The following ERC2 variants were observed in gnomAD, a reference collection of about 807,000 sequenced individuals.
ERC2 encodes the protein ERC protein 2.
ERC2 carries 42 observed loss-of-function variants against 114.8 expected under a neutral mutation model. The observed-to-expected ratio is 0.37, with a 90% CI of 0.29 to 0.47. The LOEUF is 0.47. Ranked by LOEUF, ERC2 falls within the 20% of genes least tolerant of loss-of-function variation. ERC2 has a pLI of 0.99. For missense variants in ERC2, 939 were observed against 1,150.7 expected (o/e 0.82, Z 2.66); for synonymous variants, 454 against 425.5 (o/e 1.07, Z -0.82).
At position 55,985,650 on chromosome 3, in the gene ERC2, C is replaced by T. The variant is rs1265829629; in HGVS notation, c.2267+327G>A. ...CATTATGTTTTTATCCATGGCTCCACGTTGTATCATCCTGCAGTCAATTTT... is the reference window on the plus strand; with the variant it reads ...CATTATGTTTTTATCCATGGCTCCATGTTGTATCATCCTGCAGTCAATTTT... On this transcript the variant is annotated intron_variant, in intron 12 of 17. Coordinates refer to ENST00000288221, the MANE Select transcript of ERC2 (RefSeq NM_015576.3). Among the ~76,000 whole-genome samples the T allele has an allele frequency of 4.6e-5, 7 of 152,286 alleles. No individual in the cohort carries two copies. In the East Asian group the frequency reaches 7.7e-4, roughly 17 times the overall value.
intron 8 of ERC2, among the ~76,000 whole-genome samples, chr3:56,012,794 G>C (rs1336365623): frequency 6.6e-6 from 1 of 152,198 alleles, no homozygotes; most frequent in Non-Finnish European, 1.5e-5. Flanking sequence ...CGCAGGGCCA[G>C]ATGTCAAAAA....
At chr3:55,653,838 C>G (rs1165348082) in intron 17 of ERC2, among the ~76,000 whole-genome samples, 1 of 152,230 alleles carries the variant, frequency 6.6e-6, no homozygotes, top group Non-Finnish European at 1.5e-5. Flanking sequence ...TTACTGCCAT[C>G]AAGGCCATAT....
intron 14 of ERC2, among the ~76,000 whole-genome samples, chr3:55,747,089 A>C (rs999593173): frequency 1.3e-5 from 2 of 152,222 alleles, no homozygotes; most frequent in Non-Finnish European, 1.5e-5. Context: ...GGTACCAGAA[A>C]GAATGCTTAT....
At chr3:56,258,971 A>T (rs1025596641) in intron 3 of ERC2, among the ~76,000 whole-genome samples, 3 of 115,524 alleles carry the variant, frequency 2.6e-5, no homozygotes, top group African/African-American at 8.9e-5. Flanking sequence ...TTAATTAATT[A>T]ATTAATTTTT....
At chr3:56,083,639 TCAAAA>T (rs910076918) in intron 6 of ERC2, among the ~76,000 whole-genome samples, 7 of 151,338 alleles carry the variant, frequency 4.6e-5, no homozygotes, top group African/African-American at 1.5e-4. Context: ...AAGAGAGAGG[TCAAAA>T]CAAAACAAAA....
chr3:56,256,638 T>C (rs1267521832), intron 3 of ERC2, among the ~76,000 whole-genome samples: 1 of 152,080 alleles, frequency 6.6e-6, no homozygotes, highest in African/African-American at 2.4e-5. Context: ...ACAAATCTCA[T>C]CTTGAATTCT....
At chr3:56,445,086 G>C (rs550716824) in intron 1 of ERC2, among the ~76,000 whole-genome samples, 4 of 152,264 alleles carry the variant, frequency 2.6e-5, no homozygotes, top group African/African-American at 9.6e-5. Context: ...AGATTCTGAT[G>C]CTTCCTTAAA....
intron 6 of ERC2, among the ~76,000 whole-genome samples, chr3:56,110,508 C>T (rs778876976): frequency 1.3e-5 from 2 of 152,100 alleles, no homozygotes; most frequent in Non-Finnish European, 2.9e-5. Flanking sequence ...AATTTAAAAA[C>T]TCAAAACCCT....
intron 7 of ERC2, 98 bp from the exon 8 acceptor site, chr3:56,019,129 C>T: frequency 4.3e-6 from 4 of 932,666 alleles, no homozygotes; most frequent in Non-Finnish European, 6.3e-6. Context: ...AAGAAAAAGA[C>T]CTGAAATGAT....
intron 16 of ERC2, 88 bp from the exon 17 acceptor site, chr3:55,683,947 T>A: frequency 1.4e-6 from 2 of 1,403,692 alleles, no homozygotes; most frequent in South Asian, 2.6e-5. Context: ...CGAGATGCAC[T>A]GGAAAGGCAC....
chr3:56,301,929 A>C (rs2055904090), intron 2 of ERC2, among the ~76,000 whole-genome samples: 2 of 152,204 alleles, frequency 1.3e-5, no homozygotes, highest in African/African-American at 4.8e-5. Context: ...GAGTTAATAC[A>C]TATAAAGCTC....
At chr3:55,725,427 C>T (rs1486875444) in intron 15 of ERC2, among the ~76,000 whole-genome samples, 2 of 152,164 alleles carry the variant, frequency 1.3e-5, no homozygotes, top group African/African-American at 4.8e-5. Flanking sequence ...TCACAGAATT[C>T]ATGGGAATTT....
chr3:55,634,504 G>A (rs528600774), intron 17 of ERC2, among the ~76,000 whole-genome samples: 2 of 152,104 alleles, frequency 1.3e-5, no homozygotes, highest in Non-Finnish European at 2.9e-5. Flanking sequence ...CTAAAAAAAC[G>A]TAAAAGCCAG....
intron 3 of ERC2, among the ~76,000 whole-genome samples, chr3:56,235,905 C>G (rs1184466794): frequency 6.6e-6 from 1 of 152,166 alleles, no homozygotes; most frequent in Non-Finnish European, 1.5e-5. Context: ...TTTTTTACAT[C>G]ATTCACTTGA....
At chr3:56,265,668 G>A (rs1261820674) in intron 3 of ERC2, among the ~76,000 whole-genome samples, 2 of 152,232 alleles carry the variant, frequency 1.3e-5, no homozygotes, top group East Asian at 3.9e-4. Flanking sequence ...GGCAGCCTAT[G>A]GATTGGGAGA....
At position 55,552,003 on chromosome 3, in the gene ERC2, A is replaced by G. The variant is rs892906345; in HGVS notation, c.*40-40727T>C. ...TTTTGAAACATACCCCAGGCCCTAT[A>G]TCCTTCTATCCCAACCTACTTTATA... On this transcript the variant is annotated intron_variant, in intron 17 of 17. Transcript: ENST00000288221. 2.6e-5 allele frequency among the ~76,000 whole-genome samples: 4 copies of G among 152,012 alleles called. No homozygotes were observed. In the South Asian group the frequency reaches 8.3e-4, roughly 32 times the overall value.
chr3:56,064,924 A>T (rs534662643), intron 7 of ERC2, among the ~76,000 whole-genome samples: 2 of 152,230 alleles, frequency 1.3e-5, no homozygotes, highest in Non-Finnish European at 2.9e-5. Context: ...TTATTTACTC[A>T]ATCTATTACA....
At chr3:56,088,814 C>T (rs1287759687) in intron 6 of ERC2, among the ~76,000 whole-genome samples, 2 of 152,064 alleles carry the variant, frequency 1.3e-5, no homozygotes, top group African/African-American at 4.8e-5. Flanking sequence ...AATTAAATAA[C>T]ACATGTAAAG....
chr3:56,217,783 A>G (rs1321925504), intron 3 of ERC2, among the ~76,000 whole-genome samples: 1 of 152,248 alleles, frequency 6.6e-6, no homozygotes, highest in Non-Finnish European at 1.5e-5. Context: ...ACTGGTATCA[A>G]AACAGATTTA....
Sources: gnomAD v4.1 joint callset for allele counts (sites outside exome capture counted in the v4.1 genomes callset) on GRCh38, gnomAD v4.1.1 for gene constraint, MANE v1.5 for transcripts, NCBI Gene and HGNC (gene_info 2026-07-23, HGNC 2026-07-21) for gene names.